Variants in AGBL4 observed in about 807,000 individuals in gnomAD.
AGBL4 encodes the protein cytosolic carboxypeptidase 6.
Under a neutral mutation model 66.4 loss-of-function variants are expected in AGBL4, and 58 were observed. The observed-to-expected ratio is 0.87, with a 90% CI of 0.71 to 1.09. The LOEUF (loss-of-function observed/expected upper bound fraction) is 1.09, where lower values mean the gene tolerates loss of function less well. Among genes scored for constraint, AGBL4 ranks in the 50% least tolerant of loss-of-function variants. AGBL4 has a pLI of 0.00. For missense variants in AGBL4, 579 were observed against 631.0 expected (o/e 0.92, Z 0.88); for synonymous variants, 234 against 222.9 (o/e 1.05, Z -0.44).
intron 4 of AGBL4, among the ~76,000 whole-genome samples, chr1:49,234,034 G>A (rs9783112): frequency 0.026 from 3,989 of 152,216 alleles, 193 homozygotes; most frequent in African/African-American, 0.091. Flanking sequence ...CCAGGTGACC[G>A]TGGAAACTAT....
At chr1:49,794,991 A>G (rs1004906852) in intron 2 of AGBL4, among the ~76,000 whole-genome samples, 1 of 151,986 alleles carries the variant, frequency 6.6e-6, no homozygotes, top group Non-Finnish European at 1.5e-5. Flanking sequence ...TTGGAAAATA[A>G]TCAGACAAAA....
intron 6 of AGBL4, among the ~76,000 whole-genome samples, chr1:48,683,377 C>A (rs1646483845): frequency 6.6e-6 from 1 of 152,202 alleles, no homozygotes; most frequent in Non-Finnish European, 1.5e-5. Flanking sequence ...CATAGAAGAC[C>A]TTGGCATTGG....
intron 8 of AGBL4, among the ~76,000 whole-genome samples, chr1:48,649,343 G>A (rs1310458243): frequency 6.6e-6 from 1 of 152,226 alleles, no homozygotes; most frequent in African/African-American, 2.4e-5. Flanking sequence ...GAAGGCAAAT[G>A]TAACTGAGGT....
At chr1:48,860,459 G>C (rs765525466) in intron 6 of AGBL4, among the ~76,000 whole-genome samples, 1 of 152,190 alleles carries the variant, frequency 6.6e-6, no homozygotes, top group African/African-American at 2.4e-5. Flanking sequence ...GCAGTTGGAC[G>C]TCTGCCTCCT....
At chr1:48,727,795 T>C in intron 6 of AGBL4, 2 of 1,280,706 alleles carry the variant, frequency 1.6e-6, no homozygotes, top group Non-Finnish European at 2.2e-6. Flanking sequence ...CACACCACCA[T>C]GCACGGTGGG....
At chr1:48,938,357 T>G (rs149164912) in intron 5 of AGBL4, among the ~76,000 whole-genome samples, 1 of 152,270 alleles carries the variant, frequency 6.6e-6, no homozygotes, top group Non-Finnish European at 1.5e-5. Context: ...TATACCCTAA[T>G]GAAAGAGACA....
chr1:49,028,555 A>G (rs1290700494), intron 5 of AGBL4, among the ~76,000 whole-genome samples: 1 of 152,222 alleles, frequency 6.6e-6, no homozygotes. Context: ...CACAAAGAGA[A>G]TATATTGAAA....
chr1:48,622,475 A>ATTT (rs35455455), intron 9 of AGBL4, among the ~76,000 whole-genome samples: 27 of 71,850 alleles, frequency 3.8e-4, no homozygotes, highest in African/African-American at 8.3e-4. Flanking sequence ...ATTCAAATAC[A>ATTT]TTTTTTTTTT....
intron 6 of AGBL4, among the ~76,000 whole-genome samples, chr1:48,693,197 C>T (rs759200498): frequency 1.5e-4 from 23 of 152,182 alleles, no homozygotes; most frequent in Non-Finnish European, 2.9e-4. Context: ...AGCAAGTCCC[C>T]GGACCCTGGG....
intron 3 of AGBL4, among the ~76,000 whole-genome samples, chr1:49,468,648 T>C (rs921120671): frequency 1.3e-5 from 2 of 151,848 alleles, no homozygotes; most frequent in South Asian, 2.1e-4. Context: ...TATTTTCAAA[T>C]TTCAGCATTA....
intron 2 of AGBL4, chr1:49,845,931 G>A: frequency 1.4e-6 from 2 of 1,477,646 alleles, no homozygotes; most frequent in Non-Finnish European, 1.9e-6. Context: ...TGCAATGACT[G>A]CAGCAAGGCA....
At chr1:49,596,229 G>A (rs1335434828) in intron 3 of AGBL4, among the ~76,000 whole-genome samples, 2 of 152,112 alleles carry the variant, frequency 1.3e-5, no homozygotes, top group African/African-American at 4.8e-5. Flanking sequence ...TGCAAGTGGC[G>A]CAATCTCGGC....
intron 6 of AGBL4, among the ~76,000 whole-genome samples, chr1:48,714,386 A>C (rs1647015544): frequency 6.6e-6 from 1 of 152,168 alleles, no homozygotes; most frequent in African/African-American, 2.4e-5. Flanking sequence ...CCAAGCCACA[A>C]ACCGTGGAGT....
Position 49,849,506 on chromosome 1 carries a change from C to CACACACAT in AGBL4, c.157+1889_157+1890insATGTGTGT, listed in dbSNP as rs1553133768. 1.9e-3 allele frequency among the ~76,000 whole-genome samples: 275 copies of CACACACAT among 144,886 alleles called. 16 individuals are homozygous for CACACACAT. Among genetic ancestry groups the CACACACAT allele is most frequent in the African/African-American group, 6.8e-3 (259 of 37,904 alleles). On this transcript the variant is annotated intron_variant, in intron 2 of 13. Coordinates refer to ENST00000371839, the MANE Select transcript of AGBL4 (RefSeq NM_032785.4). Reference sequence around the variant, plus strand: ...ACACACACACACACACACACACACACACATACATACATTAAGATGGATAGT... The same window carrying CACACACAT: ...ACACACACACACACACACACACACACACACACATACATACATACATTAAGATGGATAGT...
chr1:49,161,093 G>A (rs1646532472), intron 4 of AGBL4, among the ~76,000 whole-genome samples: 1 of 152,044 alleles, frequency 6.6e-6, no homozygotes, highest in Non-Finnish European at 1.5e-5. Context: ...GGTGCCAGTA[G>A]GGTATGAAAA....
At chr1:49,595,522 C>G (rs1185710495) in intron 3 of AGBL4, among the ~76,000 whole-genome samples, 3 of 151,622 alleles carry the variant, frequency 2.0e-5, no homozygotes, top group Non-Finnish European at 2.9e-5. Context: ...TAAAAATCAT[C>G]TAGTATTACA....
At chr1:49,457,648 A>G (rs1217883237) in intron 3 of AGBL4, among the ~76,000 whole-genome samples, 1 of 151,702 alleles carries the variant, frequency 6.6e-6, no homozygotes, top group Non-Finnish European at 1.5e-5. Flanking sequence ...GTCACTGTCT[A>G]GAAGGGTTTT....
chr1:49,227,021 G>T (rs150085771), intron 4 of AGBL4, among the ~76,000 whole-genome samples: 2 of 152,130 alleles, frequency 1.3e-5, no homozygotes, highest in East Asian at 1.9e-4. Context: ...ATTCACCAAG[G>T]CTCCACCCAA....
At chr1:49,467,003 T>C (rs767363209) in intron 3 of AGBL4, among the ~76,000 whole-genome samples, 4 of 151,752 alleles carry the variant, frequency 2.6e-5, no homozygotes, top group Non-Finnish European at 5.9e-5. Context: ...GTAATCCCAT[T>C]AAATCTTAAG....
Sources: gnomAD v4.1 joint callset for allele counts (sites outside exome capture counted in the v4.1 genomes callset) on GRCh38, gnomAD v4.1.1 for gene constraint, MANE v1.5 for transcripts, NCBI Gene and HGNC (gene_info 2026-07-23, HGNC 2026-07-21) for gene names.